AHRR: variants seen among roughly 807,000 people sequenced by gnomAD.
The protein encoded by AHRR is ahR repressor.
In AHRR, 28 loss-of-function variants were observed where a neutral mutation model predicts 44.0. That is an observed-to-expected ratio of 0.64 (90% CI 0.47 to 0.87). The LOEUF is 0.87. Ranked by LOEUF, AHRR falls within the 40% of genes least tolerant of loss-of-function variation. The pLI is 0.00. For synonymous variants in AHRR, 434 were observed against 407.0 expected (o/e 1.07, Z -0.80); for missense variants, 990 against 953.9 (o/e 1.04, Z -0.50).
At chr5:348,915 C>A (rs1172984813) in intron 2 of AHRR, among the ~76,000 whole-genome samples, 1 of 152,242 alleles carries the variant, frequency 6.6e-6, no homozygotes, top group South Asian at 2.1e-4. Context: ...GCAGTGGTGT[C>A]ATTTCCCATT....
chr5:427,825 A>C lies in AHRR; in HGVS notation c.727A>C (p.Lys243Gln). ...SGFLTMQFQGKLKFLFGQKKK... is the reference protein window; with the variant it reads ...SGFLTMQFQGQLKFLFGQKKK... ...ACACCAGACGATGCAGTTTCAAGGA[A>C]AACTAAAATTCCTGTTTGGACAGAA... is the stretch of plus-strand genomic sequence containing the variant. The change falls in exon 8 of 11, where the codon AAA becomes CAA. Residue 243 changes from lysine (K) to glutamine (Q), a missense_variant. Transcript: ENST00000684583. 6.2e-7 allele frequency: 1 copy of C among 1,614,210 alleles called. No homozygotes were observed. The highest frequency in any genetic ancestry group is 8.5e-7 in the Non-Finnish European group (1 of 1,180,018).
chr5:326,833 C>T lies in AHRR; in HGVS notation c.-11+5014C>T, dbSNP rs529914142. Among the ~76,000 whole-genome samples, 27 of 152,144 alleles carry T rather than the reference C, an allele frequency of 1.8e-4. 1 individual carries two copies. The highest frequency in any genetic ancestry group is 4.2e-4 in the South Asian group (2 of 4,810). On this transcript the variant is annotated intron_variant, in intron 1 of 10. Transcript: ENST00000684583. This position sits in a 1 kb window ranked among gnomAD's most constrained non-coding sequence, Gnocchi z 4.1. ...CTGCACTTTGGGAGGCTGAGGCAGG[C>T]GGATCACTTGAGGTCGGGAGTTCGA...
intron 4 of AHRR, among the ~76,000 whole-genome samples, chr5:380,815 A>C (rs1733949768): frequency 6.6e-6 from 1 of 152,216 alleles, no homozygotes; most frequent in Non-Finnish European, 1.5e-5. Flanking sequence ...TTATTAGAGG[A>C]ATTGGCTTAC....
rs1439520261 is a variant in AHRR, at chr5:435,417, G to T, written c.*583G>T. ...ATACAACACGCGGAGAAAGGGGTCC[G>T]TGAGCCCACTCATAGAGGAATCTAG... On this transcript the variant is annotated 3_prime_UTR_variant, in exon 11 of 11. Transcript: ENST00000684583. 1 of 154,046 alleles carries T rather than the reference G, an allele frequency of 6.5e-6. No homozygotes were observed. The highest frequency in any genetic ancestry group is 1.9e-4 in the East Asian group (1 of 5,276). 9.5% of individuals were successfully genotyped at this position (154,046 alleles called of 1,614,324 possible).
chr5:367,377 G>T (rs1445486047), intron 3 of AHRR, among the ~76,000 whole-genome samples: 1 of 152,214 alleles, frequency 6.6e-6, no homozygotes, highest in Non-Finnish European at 1.5e-5. Flanking sequence ...TGGGCAGCTG[G>T]GCCTTTTGCA....
intron 1 of AHRR, among the ~76,000 whole-genome samples, chr5:333,597 A>G (rs543318974): frequency 6.6e-6 from 1 of 152,302 alleles, no homozygotes; most frequent in African/African-American, 2.4e-5. Flanking sequence ...CTCCATCTCA[A>G]AAAAAACAAA....
chr5:409,234 G>A (rs566017959), intron 4 of AHRR, among the ~76,000 whole-genome samples: 118 of 152,240 alleles, frequency 7.8e-4, no homozygotes, highest in Admixed American at 1.3e-3. Flanking sequence ...TCCATTATCC[G>A]ATTGATAGTT....
rs1164806060 is a variant in AHRR, at chr5:376,592, T to C, written c.245-18T>C. 3.2e-6 allele frequency: 5 copies of C among 1,576,226 alleles called. No individual in the cohort carries two copies. The African/African-American group carries it at 6.8e-5, about 21-fold the overall frequency. ...CCAAGGGTTGGGGGTGCCTAATGTG[T>C]CTTTTCTTCTCTGACAGTCGTGCAG... On this transcript the variant is annotated intron_variant, in intron 3 of 10. Transcript: ENST00000684583.
In AHRR at chr5:391,422, CGG is replaced by C. The variant is rs1560904318; in HGVS notation, c.351+14710_351+14711del. On this transcript the variant is annotated intron_variant, in intron 4 of 10. Coordinates refer to ENST00000684583, the MANE Select transcript of AHRR (RefSeq NM_001377236.1). Reference sequence around the variant, plus strand: ...GGGCGAGGCAGGGCCAGAGCGTGCACGGGGGCAGGGCGAGGCGGGCGCAGGGC... The same window carrying C: ...GGGCGAGGCAGGGCCAGAGCGTGCACGGGCAGGGCGAGGCGGGCGCAGGGC... 1.7e-3 allele frequency among the ~76,000 whole-genome samples: 142 copies of C among 82,854 alleles called. 1 individual carries two copies. Among genetic ancestry groups the C allele is most frequent in the African/African-American group, 2.8e-3 (42 of 14,974 alleles). The allele number at this position is 82,854 out of a possible 152,430, so 54.4% of individuals were successfully genotyped here.
chr5:415,444 C>T (rs866804321), intron 5 of AHRR, among the ~76,000 whole-genome samples: 1,299 of 47,746 alleles, frequency 0.027, 11 homozygotes, highest in East Asian at 0.079. Flanking sequence ...CCTGGTCGGG[C>T]GGGAGGCCTA....
chr5:426,328 G>A (rs1736387574), intron 7 of AHRR, among the ~76,000 whole-genome samples: 1 of 147,788 alleles, frequency 6.8e-6, no homozygotes, highest in Non-Finnish European at 1.5e-5. Flanking sequence ...TGGATAGGAA[G>A]ATGATGGATG....
intron 3 of AHRR, among the ~76,000 whole-genome samples, chr5:366,073 T>G (rs1372248829): frequency 3.5e-5 from 4 of 113,512 alleles, no homozygotes; most frequent in South Asian, 3.0e-4. Context: ...CCCCACCCCC[T>G]GCCCCACACA....
chr5:391,417 G>A (rs567741731), intron 4 of AHRR, among the ~76,000 whole-genome samples: 3 of 115,652 alleles, frequency 2.6e-5, no homozygotes, highest in African/African-American at 1.0e-4. Flanking sequence ...GGGCCAGAGC[G>A]TGCACGGGGG....
At position 428,120 on chromosome 5, in the gene AHRR, T is replaced by A. The variant is rs1164006079; in HGVS notation, c.908+114T>A. On this transcript the variant is annotated intron_variant, in intron 8 of 10. Transcript: ENST00000684583. ...TTCTTCATTTCCAGCCAGTAATAAG[T>A]CAGTTTCGTGTCGTAAAAGTCATTA... The A allele has an allele frequency of 3.2e-6, 4 of 1,239,146 alleles. No individual in the cohort carries two copies. The African/African-American group carries it at 6.0e-5, about 19-fold the overall frequency. 76.8% of individuals were successfully genotyped at this position (1,239,146 alleles called of 1,614,324 possible).
intron 3 of AHRR, among the ~76,000 whole-genome samples, chr5:354,331 G>A (rs1742969115): frequency 6.6e-6 from 1 of 152,260 alleles, no homozygotes; most frequent in Non-Finnish European, 1.5e-5. Flanking sequence ...GAGCAGGGCT[G>A]GGCATGGTCA....
chr5:427,494 C>T (rs74885420), intron 7 of AHRR: 77,353 of 989,484 alleles, frequency 0.078, 3,365 homozygotes, highest in Admixed American at 0.13. Flanking sequence ...AGGCGCAGTT[C>T]GTGCCACCTG....
At chr5:366,491 A>G (rs1463309098) in intron 3 of AHRR, among the ~76,000 whole-genome samples, 1 of 152,224 alleles carries the variant, frequency 6.6e-6, no homozygotes, top group Non-Finnish European at 1.5e-5. Flanking sequence ...GGCTATAAGA[A>G]GAGAGATGAC....
At chr5:369,414 G>A (rs911690243) in intron 3 of AHRR, among the ~76,000 whole-genome samples, 1 of 152,216 alleles carries the variant, frequency 6.6e-6, no homozygotes, top group Non-Finnish European at 1.5e-5. Context: ...TGTCCCACAG[G>A]GTGGACTTGC....
At position 405,586 on chromosome 5, in the gene AHRR, C is replaced by T. The variant is rs1289656286; in HGVS notation, c.352-7758C>T. 3.3e-5 allele frequency among the ~76,000 whole-genome samples: 5 copies of T among 152,260 alleles called. No homozygotes were observed. Among genetic ancestry groups the T allele is most frequent in the South Asian group, 2.1e-4 (1 of 4,814 alleles). On this transcript the variant is annotated intron_variant, in intron 4 of 10. Coordinates refer to ENST00000684583, the MANE Select transcript of AHRR (RefSeq NM_001377236.1). This position sits in a 1 kb window ranked among gnomAD's most constrained non-coding sequence, Gnocchi z 4.5. ...ATCCCACTGTGAAGTCATCACCTGG[C>T]GCCTGCACCTCTGTATCCAGAACCA...
Sources: gnomAD v4.1 joint callset for allele counts (sites outside exome capture counted in the v4.1 genomes callset) on GRCh38, gnomAD v4.1.1 for gene constraint, Gnocchi (gnomAD v3.1) non-coding constraint, MANE v1.5 for transcripts, NCBI Gene and HGNC (gene_info 2026-07-23, HGNC 2026-07-21) for gene names.